ADGRF5: variants seen among roughly 807,000 people sequenced by gnomAD.
The protein encoded by ADGRF5 is adhesion G protein-coupled receptor F5, also known as G-protein coupled receptor 116.
In ADGRF5, 75 loss-of-function variants were observed where a neutral mutation model predicts 132.3. The observed-to-expected ratio is 0.57, with a 90% CI of 0.47 to 0.69. The LOEUF (loss-of-function observed/expected upper bound fraction) is 0.69, where lower values mean the gene tolerates loss of function less well. Among genes scored for constraint, ADGRF5 ranks in the 30% least tolerant of loss-of-function variants. The probability of loss-of-function intolerance (pLI) is 0.00; values close to 1 mark genes in which losing one functional copy is unlikely to be tolerated. For missense variants in ADGRF5, 1,516 were observed against 1,630.6 expected, an observed-to-expected ratio of 0.93 and a Z score of 1.21; for synonymous variants, 629 against 597.6, an observed-to-expected ratio of 1.05 and a Z score of -0.77.
chr6:46,927,378 C>A (rs1209185841), intron 1 of ADGRF5, among the ~76,000 whole-genome samples: 1 of 152,026 alleles, frequency 6.6e-6, no homozygotes, highest in Non-Finnish European at 1.5e-5. Flanking sequence ...AAGGCTTAAC[C>A]AAGGTCACAA....
chr6:46,888,434 G>A lies in ADGRF5; in HGVS notation c.229C>T (p.Leu77=). 1 of 1,611,544 alleles carries A rather than the reference G, an allele frequency of 6.2e-7. No homozygotes were observed. Among genetic ancestry groups the A allele is most frequent in the Non-Finnish European group, 8.5e-7 (1 of 1,177,668 alleles). ...IEISFENASF[L]DPIKAYLNSL... is the part of the protein sequence containing the mutation. Reference sequence around the variant, plus strand: ...TTCAAGTAGGCTTTGATAGGATCCAGGAAGGATGCATTTTCAAAACTGATC... The same window carrying A: ...TTCAAGTAGGCTTTGATAGGATCCAAGAAGGATGCATTTTCAAAACTGATC... Residue 77 remains leucine (L), a synonymous_variant, in exon 4 of 21, where the codon CTG becomes TTG. Transcript: ENST00000283296.
At chr6:46,907,283 T>C (rs1353593305) in intron 1 of ADGRF5, among the ~76,000 whole-genome samples, 1 of 152,232 alleles carries the variant, frequency 6.6e-6, no homozygotes, top group Non-Finnish European at 1.5e-5. Context: ...TATCTTACAG[T>C]ATTATTTCAT....
chr6:46,875,897 C>CT, intron 10 of ADGRF5, among the ~76,000 whole-genome samples: 1 of 152,210 alleles, frequency 6.6e-6, no homozygotes, highest in East Asian at 1.9e-4. Flanking sequence ...TACTCCTTCA[C>CT]TTTTTTCCCA....
chr6:46,938,930 G>A (rs1319597988), intron 1 of ADGRF5, among the ~76,000 whole-genome samples: 1 of 150,982 alleles, frequency 6.6e-6, no homozygotes, highest in Non-Finnish European at 1.5e-5. Flanking sequence ...GAGTGCAGTG[G>A]CCCAATCTTG....
In ADGRF5 at chr6:46,853,977, TG is replaced by T. The variant is rs1356924254; in HGVS notation, c.*14del. The T allele has an allele frequency of 1.9e-6, 3 of 1,574,434 alleles. No homozygotes were observed. The highest frequency in any genetic ancestry group is 2.6e-6 in the Non-Finnish European group (3 of 1,153,330). On this transcript the variant is annotated 3_prime_UTR_variant, in exon 21 of 21. Coordinates refer to ENST00000283296, the MANE Select transcript of ADGRF5 (RefSeq NM_001098518.2). ...ACTGTCCCCGGGAGGTCACGTAGGT[TG>T]GATTATCCTGTTCTTAGTTGAGCAA... is the stretch of plus-strand genomic sequence containing the variant.
intron 10 of ADGRF5, among the ~76,000 whole-genome samples, chr6:46,876,015 G>A (rs220671): frequency 0.9 from 136,478 of 152,304 alleles, 61,435 homozygotes; most frequent in African/African-American, 0.97. Flanking sequence ...TTGAATATGC[G>A]ACCATTTATG....
intron 16 of ADGRF5, among the ~76,000 whole-genome samples, chr6:46,860,501 G>A (rs1327580350): frequency 6.6e-6 from 1 of 152,098 alleles, no homozygotes; most frequent in Non-Finnish European, 1.5e-5. Context: ...AGAAAATAAA[G>A]CAGAGATTCA....
Position 46,869,039 on chromosome 6 carries a change from A to G in ADGRF5, c.1465T>C (p.Ser489Pro). The G allele has an allele frequency of 6.2e-7, 1 of 1,614,100 alleles. No individual in the cohort carries two copies. The highest frequency in any genetic ancestry group is 8.5e-7 in the Non-Finnish European group (1 of 1,179,962). Reference protein sequence around the residue: ...PISVSEGQNFSIKCISDVSNY... With the variant: ...PISVSEGQNFPIKCISDVSNY... Reference sequence around the variant, plus strand: ...CTCACATCACTGATGCATTTTATAGAAAAGTTTTGTCCCTCAGAAACAGAA... The same window carrying G: ...CTCACATCACTGATGCATTTTATAGGAAAGTTTTGTCCCTCAGAAACAGAA... Residue 489 changes from serine (S) to proline (P), a missense_variant, in exon 12 of 21, where the codon TCT becomes CCT. Transcript: ENST00000283296.
At chr6:46,954,866 A>T (rs1250226165) in exon 1 of ADGRF5, 1 of 152,164 alleles carries the variant, frequency 6.6e-6, no homozygotes, top group Non-Finnish European at 1.5e-5. Flanking sequence ...GGGGTTTCAC[A>T]AGACCAGACT....
At chr6:46,910,328 AATGACTGTAGG>A (rs1285113739) in intron 1 of ADGRF5, among the ~76,000 whole-genome samples, 2 of 152,104 alleles carry the variant, frequency 1.3e-5, no homozygotes, top group Non-Finnish European at 2.9e-5. Flanking sequence ...TGCTGGTGAC[AATGACTGTAGG>A]ATAGGATTGT....
chr6:46,881,702 GC>G (rs969134686), intron 7 of ADGRF5, 105 bp from the exon 8 acceptor site: 3 of 917,584 alleles, frequency 3.3e-6, no homozygotes, highest in African/African-American at 3.3e-5. Flanking sequence ...ACTGCCTGAT[GC>G]AGCATGCAAA....
intron 1 of ADGRF5, among the ~76,000 whole-genome samples, chr6:46,907,235 T>A (rs1398659666): frequency 6.6e-6 from 1 of 152,216 alleles, no homozygotes; most frequent in Non-Finnish European, 1.5e-5. Flanking sequence ...CCCATTAGTA[T>A]GAAAACTGCT....
chr6:46,877,235 C>CTTTCTTTCT lies in ADGRF5; in HGVS notation c.1240+958_1240+966dup, dbSNP rs1207439611. ...CCTAATTTATTTCCTCTCTTTCTTT[C>CTTTCTTTCT]TTTCTTTCTTTCTTTCTTTCTTTCT... On this transcript the variant is annotated intron_variant, in intron 10 of 20. Transcript: ENST00000283296. 1.5e-3 allele frequency among the ~76,000 whole-genome samples: 39 copies of CTTTCTTTCT among 26,278 alleles called. 1 individual carries two copies. The highest frequency in any genetic ancestry group is 8.8e-3 in the South Asian group (8 of 908). The allele number at this position is 26,278 out of a possible 152,430, so 17.2% of individuals were successfully genotyped here.
chr6:46,897,630 A>G (rs1774322455), intron 3 of ADGRF5, among the ~76,000 whole-genome samples: 1 of 152,082 alleles, frequency 6.6e-6, no homozygotes, highest in Non-Finnish European at 1.5e-5. Flanking sequence ...GCTGGAGTGC[A>G]GTGGTGCGAT....
intron 16 of ADGRF5, among the ~76,000 whole-genome samples, chr6:46,859,737 A>G (rs115182431): frequency 5.3e-5 from 8 of 152,348 alleles, no homozygotes; most frequent in African/African-American, 1.9e-4. Context: ...GTAAGCATTT[A>G]GCAATGGTGA....
chr6:46,865,334 A>G, intron 13 of ADGRF5, 137 bp from the exon 14 acceptor site: 1 of 626,108 alleles, frequency 1.6e-6, no homozygotes, highest in Non-Finnish European at 2.7e-6. Flanking sequence ...AACAGGTTTT[A>G]CCTCTGGGTT....
rs1403134701 is a variant in ADGRF5, at chr6:46,882,053, A to C, written c.667T>G (p.Phe223Val). 6.2e-7 allele frequency: 1 copy of C among 1,604,572 alleles called. No homozygotes were observed. The highest frequency in any genetic ancestry group is 8.5e-7 in the Non-Finnish European group (1 of 1,171,458). The change falls in exon 7 of 21, where the codon TTC becomes GTC. Residue 223 changes from phenylalanine to valine, a missense_variant. This residue lies in a region of ADGRF5 where 945 missense variants were observed against 929.4 expected (regional missense o/e 1.02). Transcript: ENST00000283296. ...PGFKGVTVTG[F>V]KSGSVVVTYE... ...ATCAAATTAAAGTATTCTTACTTGA[A>C]CCCTGTCACAGTCACGCCCTTGAAG...
intron 1 of ADGRF5, among the ~76,000 whole-genome samples, chr6:46,947,215 G>A (rs569601325): frequency 6.6e-6 from 1 of 152,296 alleles, no homozygotes; most frequent in South Asian, 2.1e-4. Context: ...CTCCAAAGGT[G>A]AAAAGCAACT....
Position 46,856,731 on chromosome 6 carries a change from G to T in ADGRF5, c.3863C>A (p.Ser1288Ter), listed in dbSNP as rs1769093762. 5 of 1,501,450 alleles carry T rather than the reference G, an allele frequency of 3.3e-6. No homozygotes were observed. The highest frequency in any genetic ancestry group is 4.6e-6 in the Non-Finnish European group (5 of 1,078,146). 93.0% of individuals were successfully genotyped at this position (1,501,450 alleles called of 1,614,324 possible). A position where few individuals can be genotyped will look rare whatever the true frequency, so the allele number is the denominator to read the frequency against. ...LNKFSLSRWS[S>*]QHSKSTSLGS... is the part of the protein sequence containing the mutation. ...GAAAAAGTTTACCTTTGAGTGCTGT[G>T]AAGACCATCTCGACAATGAAAACTT... Residue 1288 changes from serine (S) to a stop codon, truncating the protein, a stop_gained, in exon 19 of 21, where the codon TCA becomes TAA. Coordinates refer to ENST00000283296, the MANE Select transcript of ADGRF5 (RefSeq NM_001098518.2). LOFTEE classifies it high-confidence loss of function.
Sources: gnomAD v4.1 joint callset for allele counts (sites outside exome capture counted in the v4.1 genomes callset) on GRCh38, gnomAD v4.1.1 for gene constraint, gnomAD v4.1.1 regional missense constraint, MANE v1.5 for transcripts, NCBI Gene and HGNC (gene_info 2026-07-23, HGNC 2026-07-21) for gene names.